Variants in FBXO22 observed in about 807,000 individuals in gnomAD.
The protein encoded by FBXO22 is F-box only protein 22.
In FBXO22, 13 loss-of-function variants were observed where a neutral mutation model predicts 37.2. The observed-to-expected ratio is 0.35, with a 90% CI of 0.23 to 0.56. The LOEUF (loss-of-function observed/expected upper bound fraction) is 0.56. Among genes scored for constraint, FBXO22 ranks in the 20% least tolerant of loss-of-function variants. FBXO22 has a pLI of 0.87. For missense variants in FBXO22, 446 were observed against 509.9 expected (o/e 0.87, Z 1.21); for synonymous variants, 189 against 189.1 (o/e 1.00, Z 0.00).
At chr15:75,929,179 T>C (rs947448515) in intron 5 of FBXO22, among the ~76,000 whole-genome samples, 1 of 152,106 alleles carries the variant, frequency 6.6e-6, no homozygotes, top group Non-Finnish European at 1.5e-5. Flanking sequence ...TCACACTGCC[T>C]TTTCTTCTCT....
Position 75,937,219 on chromosome 15 carries a change from A to G in FBXO22, c.*4117A>G, listed in dbSNP as rs2030433941. 6.6e-6 allele frequency: 1 copy of G among 151,760 alleles called. No individual in the cohort carries two copies. The highest frequency in any genetic ancestry group is 1.5e-5 in the Non-Finnish European group (1 of 67,922). 9.4% of individuals were successfully genotyped at this position (151,760 alleles called of 1,614,324 possible). The stretch of plus-strand genomic sequence containing the variant: ...TGTTTGCCTATCAAAACATTAAAAA[A>G]AAAAAAGAGGCCGGGCGTGGTGGCT... On this transcript the variant is annotated 3_prime_UTR_variant, in exon 7 of 7. Transcript: ENST00000308275.
At position 75,940,093 on chromosome 15, in the gene FBXO22, A is replaced by G. The variant is rs2030782552; in HGVS notation, c.*6991A>G. 1 of 145,836 alleles carries G rather than the reference A, an allele frequency of 6.9e-6. No homozygotes were observed. The highest frequency in any genetic ancestry group is 2.5e-5 in the African/African-American group (1 of 39,662). 9.0% of individuals were successfully genotyped at this position (145,836 alleles called of 1,614,324 possible). On this transcript the variant is annotated 3_prime_UTR_variant, in exon 7 of 7. Coordinates refer to ENST00000308275, the MANE Select transcript of FBXO22 (RefSeq NM_147188.3). ...TTCACAAATGATATGATCTTTAGAC[A>G]ACCCGAAAGATTCCACACCAAAAAA...
rs1466721029 is a variant in FBXO22 at position 75,940,545 on chromosome 15, A to C, written c.*7443A>C. The C allele has an allele frequency of 6.6e-6, 1 of 151,806 alleles. No individual in the cohort carries two copies. Among genetic ancestry groups the C allele is most frequent in the East Asian group, 1.9e-4 (1 of 5,182 alleles). 9.4% of individuals were successfully genotyped at this position (151,806 alleles called of 1,614,324 possible). A position where few individuals can be genotyped will look rare whatever the true frequency, so the allele number is the denominator to read the frequency against. On this transcript the variant is annotated 3_prime_UTR_variant, in exon 7 of 7. Transcript: ENST00000308275. Reference sequence around the variant, plus strand: ...CCCAAATAGCCAAGTCAGTCTTGAGAAAGAAGAACAAATTGGAGGACTTAA... The same window carrying C: ...CCCAAATAGCCAAGTCAGTCTTGAGCAAGAAGAACAAATTGGAGGACTTAA...
chr15:75,933,026 A>G lies in FBXO22; in HGVS notation c.1136A>G (p.Asn379Ser), dbSNP rs1219032159. The G allele has an allele frequency of 1.2e-6, 2 of 1,614,212 alleles. No individual in the cohort carries two copies. The highest frequency in any genetic ancestry group is 1.1e-5 in the South Asian group (1 of 91,086). The change falls in exon 7 of 7, where the codon AAT becomes AGT. Residue 379 changes from asparagine to serine, a missense_variant. Asn to Ser is a conservative substitution (Grantham distance 46, BLOSUM62 1). This residue lies in a region of FBXO22 where 315 missense variants were observed against 410.1 expected (regional missense o/e 0.77). Coordinates refer to ENST00000308275, the MANE Select transcript of FBXO22 (RefSeq NM_147188.3). ...GGGAACTTTATATTGAGGAAATGTA[A>G]TGAGGTAAAAGATGATGATCTGTTT... is the stretch of plus-strand genomic sequence containing the variant. ...VTGNFILRKC[N>S]EVKDDDLFHS...
chr15:75,914,724 G>C (rs1424468967), intron 4 of FBXO22, among the ~76,000 whole-genome samples: 1 of 152,082 alleles, frequency 6.6e-6, no homozygotes, highest in African/African-American at 2.4e-5. Context: ...GGGGAGGAGA[G>C]ATTCTGTTGA....
At chr15:75,920,210 G>A (rs887565540) in intron 5 of FBXO22, among the ~76,000 whole-genome samples, 5 of 152,166 alleles carry the variant, frequency 3.3e-5, no homozygotes, top group South Asian at 2.1e-4. Context: ...TAGCTGGAGC[G>A]AACAAAGTTC....
intron 4 of FBXO22, among the ~76,000 whole-genome samples, chr15:75,915,046 C>T (rs1009437362): frequency 1.3e-5 from 2 of 152,296 alleles, no homozygotes; most frequent in East Asian, 1.9e-4. Context: ...CTACTCACTG[C>T]GACTTCTGCC....
rs34494278 is a variant in FBXO22, at chr15:75,913,866, G to A, written c.368-244G>A. ...TACTGCTAAATTTGACATCACTGGG[G>A]CAAAAGCAATATATGAACAGAGGGG... On this transcript the variant is annotated intron_variant, in intron 3 of 6. Coordinates refer to ENST00000308275, the MANE Select transcript of FBXO22 (RefSeq NM_147188.3). Among the ~76,000 whole-genome samples the A allele has an allele frequency of 4.6e-3, 695 of 152,280 alleles. 2 individuals carry two copies. The highest frequency in any genetic ancestry group is 7.5e-3 in the Non-Finnish European group (510 of 68,018).
rs549857903 is a variant in FBXO22 at position 75,914,138 on chromosome 15, A to T, written c.396A>T (p.Ala132=). 6.2e-7 allele frequency: 1 copy of T among 1,613,632 alleles called. No homozygotes were observed. The highest frequency in any genetic ancestry group is 1.3e-5 in the African/African-American group (1 of 74,918). ...RARKRTSMET[A]LALEKLFPKQ... ...GGAAAAGAACTAGTATGGAAACAGC[A>T]CTTGCCCTTGAGAAGCTATTCCCCA... is the stretch of plus-strand genomic sequence containing the variant. The change falls in exon 4 of 7, where the codon GCA becomes GCT. Residue 132 remains alanine (A), a synonymous_variant. Coordinates refer to ENST00000308275, the MANE Select transcript of FBXO22 (RefSeq NM_147188.3).
chr15:75,904,755 A>G, intron 2 of FBXO22, 126 bp downstream of exon 2: 1 of 1,016,402 alleles, frequency 9.8e-7, no homozygotes, highest in South Asian at 1.9e-5. Context: ...AAGATTTTGT[A>G]AACATCAGTT....
At chr15:75,923,735 A>G (rs1470214739) in intron 5 of FBXO22, among the ~76,000 whole-genome samples, 1 of 152,242 alleles carries the variant, frequency 6.6e-6, no homozygotes, top group African/African-American at 2.4e-5. Context: ...CATGATAAAT[A>G]TATGCCTTTT....
chr15:75,929,828 TAAAATAA>T lies in FBXO22; in HGVS notation c.629-55_629-49del, dbSNP rs1283953911. The T allele has an allele frequency of 1.5e-5, 24 of 1,603,346 alleles. No individual in the cohort carries two copies. The South Asian group carries it at 2.7e-4, about 18-fold the overall frequency. On this transcript the variant is annotated intron_variant, in intron 5 of 6. Transcript: ENST00000308275. ...GTAACATTTCATTTTGCAGCATGTA[TAAAATAA>T]TTTCTGTTTTAAGGCTGTCTTTAAC...
At chr15:75,920,832 TAAATA>T (rs971843690) in intron 5 of FBXO22, among the ~76,000 whole-genome samples, 4 of 152,004 alleles carry the variant, frequency 2.6e-5, no homozygotes, top group African/African-American at 9.7e-5. Flanking sequence ...CAAAAATAAA[TAAATA>T]AATAAAAATT....
rs1449580929 is a variant in FBXO22 at position 75,939,407 on chromosome 15, G to A, written c.*6305G>A. The A allele has an allele frequency of 6.6e-6, 1 of 152,084 alleles. No homozygotes were observed. Among genetic ancestry groups the A allele is most frequent in the Non-Finnish European group, 1.5e-5 (1 of 68,002 alleles). The allele number at this position is 152,084 out of a possible 1,614,324, so 9.4% of individuals were successfully genotyped here. The stretch of plus-strand genomic sequence containing the variant: ...ATCTCAATAGAACTATAACCAGTAA[G>A]GTAATTGAATTAGTAATCAAAATTC... On this transcript the variant is annotated 3_prime_UTR_variant, in exon 7 of 7. Coordinates refer to ENST00000308275, the MANE Select transcript of FBXO22 (RefSeq NM_147188.3).
intron 2 of FBXO22, among the ~76,000 whole-genome samples, chr15:75,908,363 T>A (rs1899974694): frequency 6.6e-6 from 1 of 151,920 alleles, no homozygotes; most frequent in Non-Finnish European, 1.5e-5. Context: ...ACCTCCACCT[T>A]CCTAGTTCAA....
At chr15:75,904,684 T>C (rs1899882075) in intron 2 of FBXO22, 55 bp downstream of exon 2, 1 of 1,514,598 alleles carries the variant, frequency 6.6e-7, no homozygotes, top group Admixed American at 2.3e-5. Flanking sequence ...GTTCAGTCTT[T>C]GAGAACTATT....
intron 6 of FBXO22, chr15:75,930,313 TC>T: frequency 7.3e-7 from 1 of 1,368,660 alleles, no homozygotes; most frequent in Non-Finnish European, 9.4e-7. Context: ...TGTTGATCTT[TC>T]CTTTGACAGA....
intron 5 of FBXO22, among the ~76,000 whole-genome samples, chr15:75,920,396 G>T (rs1414593772): frequency 2.0e-5 from 3 of 152,200 alleles, no homozygotes; most frequent in African/African-American, 7.2e-5. Context: ...CCAGTCCAGG[G>T]CAACATAGCC....
chr15:75,920,695 C>T (rs965576546), intron 5 of FBXO22, among the ~76,000 whole-genome samples: 11 of 152,002 alleles, frequency 7.2e-5, no homozygotes. Context: ...TGGTGGCACG[C>T]ACCTGTAGTC....
Sources: allele counts gnomAD v4.1 joint callset (sites outside exome capture counted in the v4.1 genomes callset), GRCh38; gene constraint gnomAD v4.1.1; regional missense constraint gnomAD v4.1.1; transcripts MANE v1.5; gene names NCBI Gene and HGNC (gene_info 2026-07-23, HGNC 2026-07-21).